The following MYH7B variants were observed in gnomAD, a reference collection of about 807,000 sequenced individuals.
MYH7B encodes myosin heavy chain 7B, also known as myosin-7B.
A neutral mutation model predicts 234.5 loss-of-function variants in MYH7B; 205 were observed. The observed-to-expected ratio is 0.87, with a 90% confidence interval of 0.78 to 0.98. The LOEUF is 0.98. MYH7B is among the 50% of genes least tolerant of loss of function. MYH7B has a pLI of 0.00. For synonymous variants in MYH7B, 1,193 were observed against 1,105.0 expected (o/e 1.08, Z -1.58); for missense variants, 2,652 against 2,633.4 (o/e 1.01, Z -0.15).
At chr20:34,982,461 G>A in exon 10 of MYH7B, 5 of 1,614,074 alleles carry the variant, frequency 3.1e-6, no homozygotes, top group Non-Finnish European at 4.2e-6. Flanking sequence ...CGTCCAAGCG[G>A]AGAGTCGGGG....
At chr20:34,987,477 C>T in intron 16 of MYH7B, 80 bp from the exon 17 acceptor site, 5 of 1,441,878 alleles carry the variant, frequency 3.5e-6, no homozygotes, top group Middle Eastern at 1.9e-4. Flanking sequence ...CTTCCCTCTC[C>T]TAGCCCCAGG....
chr20:34,990,020 T>TAC lies in MYH7B; in HGVS notation c.1776_1777dup (p.Ser593ThrfsTer14). 6.2e-7 allele frequency: 1 copy of TAC among 1,614,074 alleles called. No individual in the cohort carries two copies. The highest frequency in any genetic ancestry group is 8.5e-7 in the Non-Finnish European group (1 of 1,179,998). ...ACCTGACTTGTCTCTCCAGGTGCCT[T>TAC]ACAGCATTGTGGGCTGGCTGGAGAA... On this transcript the variant is annotated frameshift_variant, in exon 21 of 45. Transcript: ENST00000262873. LOFTEE classifies it high-confidence loss of function.
At chr20:34,990,526 C>T (rs1192608603) in intron 22 of MYH7B, 2 of 832,738 alleles carry the variant, frequency 2.4e-6, no homozygotes, top group Non-Finnish European at 4.2e-6. Context: ...AGCCCTGGGG[C>T]TCTGGGAGGG....
exon 39 of MYH7B, chr20:35,000,559 G>T (rs369540637): frequency 6.4e-7 from 1 of 1,573,112 alleles, no homozygotes. Context: ...GCTCTGGAGC[G>T]CCGGGCCTCG....
chr20:34,961,140 A>G (rs1309483950), intron 2 of MYH7B, among the ~76,000 whole-genome samples: 1 of 152,232 alleles, frequency 6.6e-6, no homozygotes, highest in Non-Finnish European at 1.5e-5. Flanking sequence ...GAAGGTTAGA[A>G]AGGGGAGATA....
At chr20:34,995,552 A>G (rs761030843) in exon 28 of MYH7B, 14 of 1,613,898 alleles carry the variant, frequency 8.7e-6, no homozygotes, top group African/African-American at 1.3e-5. Context: ...CAAAGCTGAG[A>G]AGGAGAAGCA....
intron 2 of MYH7B, among the ~76,000 whole-genome samples, chr20:34,971,574 A>T (rs759681545): frequency 1.2e-4 from 18 of 152,146 alleles, no homozygotes; most frequent in Non-Finnish European, 1.9e-4. Context: ...ACCTGGGACA[A>T]GCAGGGGCCC....
intron 14 of MYH7B, 102 bp from the exon 15 acceptor site, chr20:34,986,784 C>A: frequency 1.1e-6 from 1 of 923,914 alleles, no homozygotes; most frequent in Non-Finnish European, 1.7e-6. Context: ...CCCTAGACTC[C>A]TGCTGGGCTT....
At chr20:34,986,634 T>C (rs1157256336) in intron 14 of MYH7B, among the ~76,000 whole-genome samples, 1 of 152,118 alleles carries the variant, frequency 6.6e-6, no homozygotes, top group African/African-American at 2.4e-5. Flanking sequence ...TGTGGCTCAT[T>C]CCTCAGAGAA....
At chr20:34,982,639 C>A in intron 10 of MYH7B, 84 bp downstream of exon 10, 1 of 1,251,122 alleles carries the variant, frequency 8.0e-7, no homozygotes, top group Non-Finnish European at 1.1e-6. Context: ...TTTTTTCCCC[C>A]TTTTTAAAAA....
At chr20:34,965,564 A>G (rs2081734605) in intron 2 of MYH7B, among the ~76,000 whole-genome samples, 1 of 152,262 alleles carries the variant, frequency 6.6e-6, no homozygotes, top group Admixed American at 6.5e-5. Flanking sequence ...CTGGGTCTCA[A>G]GAAAGACCTG....
At chr20:34,994,039 T>C in intron 26 of MYH7B, 107 bp from the exon 27 acceptor site, 2 of 1,416,484 alleles carry the variant, frequency 1.4e-6, no homozygotes, top group East Asian at 2.3e-5. Context: ...TATTAGGAGC[T>C]ACTCCATGAG....
chr20:34,985,840 C>T (rs920130466), intron 13 of MYH7B, among the ~76,000 whole-genome samples: 26 of 152,112 alleles, frequency 1.7e-4, no homozygotes, highest in African/African-American at 4.8e-5. Flanking sequence ...AACCTGCACA[C>T]GCAGACACCA....
At chr20:34,999,129 GAGA>G in exon 36 of MYH7B, 1 of 1,613,698 alleles carries the variant, frequency 6.2e-7, no homozygotes, top group Non-Finnish European at 8.5e-7. Flanking sequence ...CTCATCGTTG[GAGA>G]AGGCCAAGCT....
rs200101582 is a variant in MYH7B, at chr20:34,959,661, T to C, written c.-222+1449T>C. On this transcript the variant is annotated intron_variant, in intron 2 of 44. Coordinates refer to ENST00000262873, the Ensembl canonical transcript of MYH7B. The stretch of plus-strand genomic sequence containing the variant: ...CCCAGCTAATTTTTTGTATTTTTAG[T>C]GGAGACAGGGTTTCACCTTGCTGTC... 2.0e-5 allele frequency among the ~76,000 whole-genome samples: 3 copies of C among 152,146 alleles called. No individual in the cohort carries two copies. The East Asian group carries it at 5.8e-4, about 29-fold the overall frequency.
At chr20:34,985,409 G>A (rs2082002604) in intron 13 of MYH7B, among the ~76,000 whole-genome samples, 2 of 152,044 alleles carry the variant, frequency 1.3e-5, no homozygotes, top group South Asian at 4.1e-4. Context: ...TGAGGATGGA[G>A]ACCCAAATCC....
exon 26 of MYH7B, chr20:34,993,436 A>G (rs374348213): frequency 6.2e-7 from 1 of 1,610,546 alleles, no homozygotes; most frequent in African/African-American, 1.3e-5. Context: ...TGGCCGCCTC[A>G]TGCGCCTTGA....
intron 8 of MYH7B, 74 bp downstream of exon 8, chr20:34,980,808 C>G: frequency 6.3e-7 from 1 of 1,578,324 alleles, no homozygotes; most frequent in Non-Finnish European, 8.6e-7. Context: ...AAGGGACCCC[C>G]TTCCCCCACT....
exon 32 of MYH7B, chr20:34,997,281 G>A: frequency 6.4e-7 from 1 of 1,557,454 alleles, no homozygotes; most frequent in Middle Eastern, 2.2e-4. Flanking sequence ...AGAGGAGCTG[G>A]AGGCAGAGCG....
Sources: allele counts gnomAD v4.1 joint callset (sites outside exome capture counted in the v4.1 genomes callset), GRCh38; gene constraint gnomAD v4.1.1; transcripts MANE v1.5; gene names NCBI Gene and HGNC (gene_info 2026-07-23, HGNC 2026-07-21).